CFAP77: variants seen among roughly 807,000 people sequenced by gnomAD.
CFAP77 encodes the protein cilia and flagella associated protein 77, also known as cilia- and flagella-associated protein 77.
Under a neutral mutation model 31.1 loss-of-function variants are expected in CFAP77, and 25 were observed. The ratio of observed to expected loss-of-function variants is 0.80; its 90% CI spans 0.59 to 1.12. The LOEUF (loss-of-function observed/expected upper bound fraction) is 1.12, where lower values mean the gene tolerates loss of function less well. Among genes scored for constraint, CFAP77 ranks in the 50% most tolerant of loss-of-function variants. CFAP77 has a pLI of 0.00. For missense variants in CFAP77, 377 were observed against 397.3 expected (o/e 0.95, Z 0.44); for synonymous variants, 151 against 159.9 (o/e 0.94, Z 0.42).
chr9:132,431,119 C>T (rs1343038153), intron 1 of CFAP77, among the ~76,000 whole-genome samples: 1 of 152,160 alleles, frequency 6.6e-6, no homozygotes, highest in Non-Finnish European at 1.5e-5. Context: ...TTCAGGGTCT[C>T]TGGATAATCC....
Position 132,454,092 on chromosome 9 carries a change from A to G in CFAP77, c.195+43626A>G, listed in dbSNP as rs116258639. ...TCGGGGTTCATTTTTTTTGTATCCAATTTGAAGAAAGGCAGCTGTGTTTTG... is the reference window on the plus strand; with the variant it reads ...TCGGGGTTCATTTTTTTTGTATCCAGTTTGAAGAAAGGCAGCTGTGTTTTG... On this transcript the variant is annotated intron_variant, in intron 1 of 5. Coordinates refer to ENST00000393216, the MANE Select transcript of CFAP77 (RefSeq NM_001282957.2). Among the ~76,000 whole-genome samples the G allele has an allele frequency of 5.8e-3, 883 of 152,262 alleles. 7 individuals carry two copies. Among genetic ancestry groups the G allele is most frequent in the East Asian group, 0.03 (158 of 5,182 alleles).
At chr9:132,422,519 G>A (rs59286550) in intron 1 of CFAP77, among the ~76,000 whole-genome samples, 4,595 of 152,276 alleles carry the variant, frequency 0.03, 231 homozygotes, top group African/African-American at 0.1. Flanking sequence ...GTATGTGTCC[G>A]CGTTCACATG....
intron 3 of CFAP77, among the ~76,000 whole-genome samples, chr9:132,533,501 G>A (rs1290931248): frequency 3.4e-5 from 5 of 148,508 alleles, no homozygotes; most frequent in African/African-American, 7.9e-5. Flanking sequence ...AGCTGCTGGC[G>A]GCTCCAGGCG....
chr9:132,530,605 T>C (rs900458855), intron 3 of CFAP77, among the ~76,000 whole-genome samples: 1 of 152,040 alleles, frequency 6.6e-6, no homozygotes, highest in Non-Finnish European at 1.5e-5. Context: ...GTTTGGGGGT[T>C]TTTTGGTTTT....
chr9:132,516,491 C>G (rs1852149611), intron 3 of CFAP77, among the ~76,000 whole-genome samples: 1 of 151,842 alleles, frequency 6.6e-6, no homozygotes, highest in Non-Finnish European at 1.5e-5. Flanking sequence ...GGGTGTGGTT[C>G]CAAAGGACAA....
chr9:132,457,948 TC>T (rs1296956680), intron 1 of CFAP77, among the ~76,000 whole-genome samples: 9 of 152,124 alleles, frequency 5.9e-5, no homozygotes, highest in African/African-American at 2.2e-4. Flanking sequence ...GTGTCCCAGA[TC>T]GTCAGGACCG....
At chr9:132,485,069 G>A (rs529945354) in intron 1 of CFAP77, among the ~76,000 whole-genome samples, 31 of 152,136 alleles carry the variant, frequency 2.0e-4, no homozygotes, top group African/African-American at 7.5e-4. Flanking sequence ...GGCTAGTCTC[G>A]AACTGAGAGC....
intron 1 of CFAP77, among the ~76,000 whole-genome samples, chr9:132,442,478 C>G (rs142322252): frequency 6.6e-6 from 1 of 151,934 alleles, no homozygotes; most frequent in African/African-American, 2.4e-5. Context: ...GCTTGAGCCC[C>G]GGAGGCAGAG....
chr9:132,544,225 G>A (rs1280699632), intron 5 of CFAP77, among the ~76,000 whole-genome samples: 1 of 152,178 alleles, frequency 6.6e-6, no homozygotes, highest in Non-Finnish European at 1.5e-5. Flanking sequence ...ATGACCATGC[G>A]CCCTGCCGCC....
Position 132,500,737 on chromosome 9 carries a change from C to T in CFAP77, c.524+1137C>T, listed in dbSNP as rs141210124. 9.4e-3 allele frequency among the ~76,000 whole-genome samples: 1,427 copies of T among 152,310 alleles called. 21 individuals carry two copies. Among genetic ancestry groups the T allele is most frequent in the African/African-American group, 0.033 (1,381 of 41,556 alleles). ...GACTGCCTGGTGGCCCCACTGTCAC[C>T]ACAGTTTAGATGACTGGCACGCATG... is the stretch of plus-strand genomic sequence containing the variant. On this transcript the variant is annotated intron_variant, in intron 3 of 5. Transcript: ENST00000393216.
intron 1 of CFAP77, chr9:132,482,502 C>A: frequency 3.0e-6 from 3 of 984,862 alleles, no homozygotes; most frequent in Non-Finnish European, 4.8e-6. Context: ...ACACCTACTG[C>A]GTGCTGGGCA....
intron 1 of CFAP77, among the ~76,000 whole-genome samples, chr9:132,486,876 C>T (rs1851569614): frequency 6.6e-6 from 1 of 152,256 alleles, no homozygotes; most frequent in Admixed American, 6.5e-5. Flanking sequence ...GGCCCTGTCA[C>T]CGTGACCGCC....
intron 1 of CFAP77, among the ~76,000 whole-genome samples, chr9:132,459,905 TGTGA>T (rs1180801606): frequency 2.6e-5 from 4 of 151,674 alleles, no homozygotes; most frequent in South Asian, 2.1e-4. Flanking sequence ...TGTGTTAGTG[TGTGA>T]GTGTGAGTTT....
intron 3 of CFAP77, among the ~76,000 whole-genome samples, chr9:132,524,753 A>G (rs1852326756): frequency 6.6e-6 from 1 of 150,728 alleles, no homozygotes; most frequent in South Asian, 2.1e-4. Flanking sequence ...GGTTCACACC[A>G]TTCTCCTGCG....
chr9:132,520,986 T>C (rs7024593), intron 3 of CFAP77, among the ~76,000 whole-genome samples: 67,427 of 152,160 alleles, frequency 0.44, 15,571 homozygotes, highest in East Asian at 0.77. Flanking sequence ...CCTGAATTAC[T>C]TCTGAACACA....
In CFAP77 at chr9:132,554,939, CCCATCCATCCAT is replaced by C. The variant is rs113226727; in HGVS notation, c.732+11931_732+11942del. Among the ~76,000 whole-genome samples the C allele has an allele frequency of 1.9e-3, 273 of 146,676 alleles. 1 individual carries two copies. The highest frequency in any genetic ancestry group is 4.9e-3 in the African/African-American group (192 of 39,442). On this transcript the variant is annotated intron_variant, in intron 5 of 5. Transcript: ENST00000393216. The surrounding 1 kb of genome is among the most constrained non-coding windows in gnomAD (Gnocchi z 4.1). ...ATGCATGCATGCATCCATCCATCCA[CCCATCCATCCAT>C]CCATCCATCCATCCATCCATCCATC...
At chr9:132,514,605 T>A (rs1354120998) in intron 3 of CFAP77, among the ~76,000 whole-genome samples, 4 of 152,148 alleles carry the variant, frequency 2.6e-5, no homozygotes, top group African/African-American at 7.2e-5. Context: ...TGCCGCCTGC[T>A]GCCTGCACCG....
chr9:132,485,254 G>A (rs1658510837), intron 1 of CFAP77, among the ~76,000 whole-genome samples: 1 of 152,128 alleles, frequency 6.6e-6, no homozygotes, highest in South Asian at 2.1e-4. Context: ...AAGCTTCCAG[G>A]CCCTCTGCTG....
intron 1 of CFAP77, among the ~76,000 whole-genome samples, chr9:132,423,938 A>G (rs993480813): frequency 6.6e-6 from 1 of 152,142 alleles, no homozygotes; most frequent in African/African-American, 2.4e-5. Flanking sequence ...TGTGCTTATC[A>G]CCTGCGTCTA....
Sources: allele counts gnomAD v4.1 joint callset (sites outside exome capture counted in the v4.1 genomes callset), GRCh38; gene constraint gnomAD v4.1.1; non-coding constraint Gnocchi (gnomAD v3.1); transcripts MANE v1.5; gene names NCBI Gene and HGNC (gene_info 2026-07-23, HGNC 2026-07-21).